The following TNRC18 variants were observed in gnomAD, a reference collection of about 807,000 sequenced individuals.
TNRC18 encodes the protein trinucleotide repeat-containing gene 18 protein.
Under a neutral mutation model 226.7 loss-of-function variants are expected in TNRC18, and 69 were observed. The ratio of observed to expected loss-of-function variants is 0.30; its 90% CI spans 0.25 to 0.37. The LOEUF (loss-of-function observed/expected upper bound fraction) is 0.37. Ranked by LOEUF, TNRC18 falls within the 10% of genes least tolerant of loss-of-function variation. TNRC18 has a pLI of 1.00. For missense variants in TNRC18, 4,754 were observed against 4,256.6 expected, an observed-to-expected ratio of 1.12 and a Z score of -3.25; for synonymous variants, 2,449 against 1,927.6, an observed-to-expected ratio of 1.27 and a Z score of -7.09.
At position 5,345,819 on chromosome 7, in the gene TNRC18, C is replaced by T. The variant is rs1030548532; in HGVS notation, c.5471-9G>A. 56 of 1,538,666 alleles carry T rather than the reference C, an allele frequency of 3.6e-5. No homozygotes were observed. Among genetic ancestry groups the T allele is most frequent in the Non-Finnish European group, 4.8e-5 (55 of 1,145,314 alleles). On this transcript the variant is annotated splice_polypyrimidine_tract_variant and intron_variant, in intron 17 of 29. Coordinates refer to ENST00000430969, the MANE Select transcript of TNRC18 (RefSeq NM_001080495.3). ...CTCCTCCGAGCTCTCATCTGGCGTG[C>T]AGAAAACAGGGACCGAGTCAGAGCC...
At position 5,388,631 on chromosome 7, in the gene TNRC18, C is replaced by A; in HGVS notation, c.1193G>T (p.Arg398Leu). 7.8e-7 allele frequency: 1 copy of A among 1,278,092 alleles called. No homozygotes were observed. Among genetic ancestry groups the A allele is most frequent in the South Asian group, 2.0e-5 (1 of 49,882 alleles). 79.2% of individuals were successfully genotyped at this position (1,278,092 alleles called of 1,614,324 possible). Residue 398 changes from arginine (R) to leucine (L), a missense_variant, in exon 5 of 30, where the codon CGG becomes CTG. Arg to Leu is a moderately radical substitution (Grantham distance 102). Transcript: ENST00000430969. ...CCTGCCAGCCTCGCGCTCGCGGGCC[C>A]GGGCATCGCGCGCCTGGGATGCGAT... ...IQIASQARDA[R>L]AREREAGRPG...
At chr7:5,308,460 C>G in intron 29 of TNRC18, 148 bp from the exon 30 acceptor site, 1 of 726,830 alleles carries the variant, frequency 1.4e-6, no homozygotes, top group South Asian at 1.8e-5. Flanking sequence ...GAGTAAGAGA[C>G]AGACCAACAA....
chr7:5,377,262 G>C lies in TNRC18; in HGVS notation c.2461+109C>G. 8.0e-7 allele frequency: 1 copy of C among 1,246,328 alleles called. No individual in the cohort carries two copies. Among genetic ancestry groups the C allele is most frequent in the East Asian group, 2.6e-5 (1 of 39,038 alleles). The allele number at this position is 1,246,328 out of a possible 1,614,324, so 77.2% of individuals were successfully genotyped here. On this transcript the variant is annotated intron_variant, in intron 7 of 29. Coordinates refer to ENST00000430969, the MANE Select transcript of TNRC18 (RefSeq NM_001080495.3). The surrounding 1 kb of genome is among the most constrained non-coding windows in gnomAD (Gnocchi z 5.8). Reference sequence around the variant, plus strand: ...CCGACGAATGCGGGAGGCAGGCCCAGGCCCCCCAGGAAACGGCAGGCAGGA... The same window carrying C: ...CCGACGAATGCGGGAGGCAGGCCCACGCCCCCCAGGAAACGGCAGGCAGGA...
Position 5,362,651 on chromosome 7 carries a change from C to A in TNRC18, c.4394G>T (p.Arg1465Leu). 1.9e-6 allele frequency: 3 copies of A among 1,564,956 alleles called. No homozygotes were observed. The highest frequency in any genetic ancestry group is 2.3e-5 in the East Asian group (1 of 43,226). Reference sequence around the variant, plus strand: ...GGGAGGAAGCAGCCAGCCGCTCACCCGCTCCTCCTTCTTGCGCATCCAGCT... The same window carrying A: ...GGGAGGAAGCAGCCAGCCGCTCACCAGCTCCTCCTTCTTGCGCATCCAGCT... The part of the protein sequence containing the change: ...KYSWMRKKEE[R>L]MYAMKSSLED... Residue 1465 changes from arginine (R) to leucine (L), a missense_variant and splice_region_variant, in exon 12 of 30, where the codon CGG (arginine) becomes CTG (leucine). Arg to Leu is a moderately radical substitution (Grantham distance 102). Transcript: ENST00000430969.
intron 17 of TNRC18, among the ~76,000 whole-genome samples, chr7:5,349,752 G>A (rs1466861005): frequency 6.6e-6 from 1 of 152,224 alleles, no homozygotes; most frequent in Non-Finnish European, 1.5e-5. Flanking sequence ...GGGGTCAAGG[G>A]TGGAGGGATG....
chr7:5,382,334 C>A (rs962498678), intron 5 of TNRC18, among the ~76,000 whole-genome samples: 1 of 152,112 alleles, frequency 6.6e-6, no homozygotes, highest in Non-Finnish European at 1.5e-5. Flanking sequence ...GAGGCCCAGC[C>A]CCAGCCCAGG....
At chr7:5,316,185 C>T (rs1391620092) in intron 24 of TNRC18, 113 bp from the exon 25 acceptor site, 1 of 696,180 alleles carries the variant, frequency 1.4e-6, no homozygotes, top group African/African-American at 1.9e-5. Context: ...CTCTATGGTA[C>T]AGCAGTGGGG....
intron 2 of TNRC18, among the ~76,000 whole-genome samples, chr7:5,413,474 C>T (rs1233166631): frequency 6.6e-6 from 1 of 152,212 alleles, no homozygotes; most frequent in East Asian, 1.9e-4. Context: ...CTCCTAATTA[C>T]CTCCTGCTTC....
intron 17 of TNRC18, among the ~76,000 whole-genome samples, chr7:5,346,200 A>T (rs1791177904): frequency 6.6e-6 from 1 of 152,098 alleles, no homozygotes; most frequent in Non-Finnish European, 1.5e-5. Context: ...AGGAGAAGGA[A>T]AGAGGAAGCG....
intron 5 of TNRC18, among the ~76,000 whole-genome samples, chr7:5,385,213 G>A (rs1779673101): frequency 6.6e-6 from 1 of 152,176 alleles, no homozygotes; most frequent in South Asian, 2.1e-4. Flanking sequence ...CTGGCTGGGC[G>A]CGGTGGCTCA....
chr7:5,385,982 C>CAAAAA lies in TNRC18; in HGVS notation c.2152+1685_2152+1689dup, dbSNP rs1160231238. ...TGGGCAACAGAGCAAAAGTCTGTCT[C>CAAAAA]AAAAAAAAAAAAAAAAAAAAAAAAA... is the stretch of plus-strand genomic sequence containing the variant. On this transcript the variant is annotated intron_variant, in intron 5 of 29. Transcript: ENST00000430969. 1.1e-3 allele frequency among the ~76,000 whole-genome samples: 44 copies of CAAAAA among 41,526 alleles called. 1 individual carries two copies. Among genetic ancestry groups the CAAAAA allele is most frequent in the African/African-American group, 2.9e-3 (36 of 12,414 alleles). The allele number at this position is 41,526 out of a possible 152,430, so 27.2% of individuals were successfully genotyped here. A position where few individuals can be genotyped will look rare whatever the true frequency, so the allele number is the denominator to read the frequency against.
chr7:5,307,288 T>TATA lies in TNRC18; in HGVS notation c.*815_*817dup, dbSNP rs1554265545. 1 of 150,580 alleles carries TATA rather than the reference T, an allele frequency of 6.6e-6. No homozygotes were observed. The highest frequency in any genetic ancestry group is 6.6e-5 in the Admixed American group (1 of 15,042). 9.3% of individuals were successfully genotyped at this position (150,580 alleles called of 1,614,324 possible). A position where few individuals can be genotyped will look rare whatever the true frequency, so the allele number is the denominator to read the frequency against. The stretch of plus-strand genomic sequence containing the variant: ...ATTTATATATATTTATCTTTATATA[T>TATA]ATAATTAAAAAGTTGACTCCATTTA... On this transcript the variant is annotated 3_prime_UTR_variant, in exon 30 of 30. Coordinates refer to ENST00000430969, the MANE Select transcript of TNRC18 (RefSeq NM_001080495.3).
At chr7:5,401,067 G>A (rs1213912546) in intron 2 of TNRC18, among the ~76,000 whole-genome samples, 4 of 152,014 alleles carry the variant, frequency 2.6e-5, no homozygotes, top group African/African-American at 9.7e-5. Flanking sequence ...ACTAAGGCCA[G>A]GTGCGGTGGC....
chr7:5,320,465 T>C, intron 23 of TNRC18, 39 bp from the exon 24 acceptor site: 1 of 1,565,452 alleles, frequency 6.4e-7, no homozygotes, highest in Non-Finnish European at 8.7e-7. Context: ...GTGGACACAG[T>C]TATGGCCATG....
At chr7:5,339,681 T>C (rs979246510) in intron 18 of TNRC18, among the ~76,000 whole-genome samples, 2 of 152,068 alleles carry the variant, frequency 1.3e-5, no homozygotes, top group Non-Finnish European at 2.9e-5. Context: ...GCGATTCTCC[T>C]GTCTCAGCCT....
intron 15 of TNRC18, 56 bp downstream of exon 15, chr7:5,359,342 A>C (rs941927287): frequency 1.1e-5 from 18 of 1,591,772 alleles, no homozygotes; most frequent in Non-Finnish European, 1.1e-5. Flanking sequence ...CTCTTAACAC[A>C]CCCTCCAGAC....
At chr7:5,311,460 C>A (rs1284024740) in intron 27 of TNRC18, among the ~76,000 whole-genome samples, 1 of 152,216 alleles carries the variant, frequency 6.6e-6, no homozygotes, top group Non-Finnish European at 1.5e-5. Context: ...GAAGGAGGTA[C>A]CTTCTGCTGG....
chr7:5,421,702 T>C (rs1007971755), intron 1 of TNRC18, among the ~76,000 whole-genome samples: 2 of 152,086 alleles, frequency 1.3e-5, no homozygotes, highest in African/African-American at 4.8e-5. Flanking sequence ...TCCCGGGACC[T>C]GGCTCGGAAA....
chr7:5,370,324 AC>A, intron 11 of TNRC18, 50 bp downstream of exon 11: 1 of 1,499,520 alleles, frequency 6.7e-7, no homozygotes, highest in East Asian at 2.5e-5. Context: ...CCCCATCACC[AC>A]AAAACTAAAA....
Sources: gnomAD v4.1 joint callset for allele counts (sites outside exome capture counted in the v4.1 genomes callset) on GRCh38, gnomAD v4.1.1 for gene constraint, Gnocchi (gnomAD v3.1) non-coding constraint, MANE v1.5 for transcripts, NCBI Gene and HGNC (gene_info 2026-07-23, HGNC 2026-07-21) for gene names.